The following ELOA variants were observed in gnomAD, a reference collection of about 807,000 sequenced individuals.
The protein encoded by ELOA is elongin A, also known as elongin-A.
In ELOA, 15 loss-of-function variants were observed where a neutral mutation model predicts 85.2. The observed-to-expected ratio is 0.18, with a 90% CI of 0.12 to 0.27. ELOA has a LOEUF of 0.27. Ranked by LOEUF, ELOA falls within the 10% of genes least tolerant of loss-of-function variation. The pLI is 1.00. For missense variants in ELOA, 769 were observed against 952.7 expected, an observed-to-expected ratio of 0.81 and a Z score of 2.54; for synonymous variants, 348 against 357.2, an observed-to-expected ratio of 0.97 and a Z score of 0.29.
In ELOA at chr1:23,754,116, GGAA is replaced by G. The variant is rs746688714; in HGVS notation, c.1565_1567del (p.Glu522del). 1.7e-5 allele frequency: 27 copies of G among 1,614,046 alleles called. No individual in the cohort carries two copies. Among genetic ancestry groups the G allele is most frequent in the African/African-American group, 1.3e-4 (10 of 74,926 alleles). ...GCCCTATAGCGTTCTCTTCACCCCAGGAAGAAGAAGAAGCTGGATTTACTGGGC... is the reference window on the plus strand; with the variant it reads ...GCCCTATAGCGTTCTCTTCACCCCAGGAAGAAGAAGCTGGATTTACTGGGC... On this transcript the variant is annotated inframe_deletion, in exon 6 of 11. Coordinates refer to ENST00000613537, the MANE Select transcript of ELOA (RefSeq NM_003198.3).
At position 23,761,996 on chromosome 1, in the gene ELOA, A is replaced by G. The variant is rs968247653; in HGVS notation, c.*2423A>G. The G allele has an allele frequency of 3.9e-5, 6 of 152,170 alleles. No individual in the cohort carries two copies. Among genetic ancestry groups the G allele is most frequent in the Non-Finnish European group, 7.4e-5 (5 of 68,026 alleles). 9.4% of individuals were successfully genotyped at this position (152,170 alleles called of 1,614,324 possible). A position where few individuals can be genotyped will look rare whatever the true frequency, so the allele number is the denominator to read the frequency against. On this transcript the variant is annotated 3_prime_UTR_variant, in exon 11 of 11. Coordinates refer to ENST00000613537, the MANE Select transcript of ELOA (RefSeq NM_003198.3). ...TTTTTTGTGGTAACTACCGAGATGA[A>G]TATTTTAATTAGATAAGTTATATGA...
intron 9 of ELOA, 51 bp from the exon 10 acceptor site, chr1:23,756,902 C>T (rs1644796631): frequency 1.4e-6 from 2 of 1,432,694 alleles, no homozygotes; most frequent in Non-Finnish European, 1.8e-6. Flanking sequence ...TGTTCATGCT[C>T]AGGGCAGATT....
chr1:23,757,251 T>C, intron 10 of ELOA, 126 bp downstream of exon 10: 1 of 1,036,042 alleles, frequency 9.7e-7, no homozygotes, highest in Non-Finnish European at 1.3e-6. Context: ...TGCACATAGC[T>C]GGTCTGAATG....
In ELOA at chr1:23,749,884, G is replaced by A. The variant is rs1346304198; in HGVS notation, c.175G>A (p.Glu59Lys). 3.7e-6 allele frequency: 6 copies of A among 1,613,820 alleles called. No individual in the cohort carries two copies. Among genetic ancestry groups the A allele is most frequent in the South Asian group, 1.1e-5 (1 of 91,066 alleles). ...GKTVNSLRKH[E>K]HVGSFARDLV... ...AACAGTAAATAGCTTGCGAAAACAC[G>A]AGCATGTTGGAAGCTTTGCCAGGGA... The change falls in exon 3 of 11, where the codon GAG (glutamate) becomes AAG (lysine). Residue 59 changes from glutamate to lysine, a missense_variant. By Grantham distance (56) the Glu-to-Lys change is moderately conservative. Transcript: ENST00000613537.
At chr1:23,746,212 C>T (rs1036693603) in intron 1 of ELOA, among the ~76,000 whole-genome samples, 2 of 150,226 alleles carry the variant, frequency 1.3e-5, no homozygotes, top group Non-Finnish European at 3.0e-5. Context: ...CACTCGAACC[C>T]GGGAGGCAGA....
At chr1:23,752,292 C>G (rs1002693086) in intron 4 of ELOA, 115 bp from the exon 5 acceptor site, 28 of 1,053,290 alleles carry the variant, frequency 2.7e-5, no homozygotes, top group Non-Finnish European at 3.6e-5. Context: ...GTGGCCCCCT[C>G]CAACCTGGAT....
intron 2 of ELOA, 127 bp from the exon 3 acceptor site, chr1:23,749,715 A>T: frequency 2.6e-6 from 2 of 757,856 alleles, no homozygotes; most frequent in South Asian, 4.0e-5. Flanking sequence ...TAGTGTTAAG[A>T]TTTGCAGGGT....
At chr1:23,743,733 C>T (rs546273028) in intron 1 of ELOA, among the ~76,000 whole-genome samples, 155 bp downstream of exon 1, 5 of 152,210 alleles carry the variant, frequency 3.3e-5, no homozygotes, top group Admixed American at 2.0e-4. Flanking sequence ...GACCGCTGCC[C>T]GCGCGTTGGG....
At chr1:23,752,641 G>A (rs1415499410) in intron 5 of ELOA, 123 bp downstream of exon 5, 3 of 1,053,190 alleles carry the variant, frequency 2.8e-6, no homozygotes, top group Admixed American at 4.5e-5. Context: ...AGGATTGCTT[G>A]CGGCCAAGGG....
intron 1 of ELOA, 73 bp from the exon 2 acceptor site, chr1:23,748,948 C>G (rs1194384382): frequency 4.8e-6 from 6 of 1,251,376 alleles, no homozygotes; most frequent in East Asian, 2.3e-5. Flanking sequence ...ATGGTTAGCA[C>G]TAAGCACTTA....
chr1:23,754,036 A>AG lies in ELOA; in HGVS notation c.1538-59dup, dbSNP rs1247656593. On this transcript the variant is annotated intron_variant, in intron 5 of 10. Transcript: ENST00000613537. ...TTGGGAAAGGGAAGTAGGAGGCTGAAGGGGGTAGAAGGAGAGTTTTCACTG... is the reference window on the plus strand; with the variant it reads ...TTGGGAAAGGGAAGTAGGAGGCTGAAGGGGGGTAGAAGGAGAGTTTTCACTG... 23 of 1,571,648 alleles carry AG rather than the reference A, an allele frequency of 1.5e-5. No homozygotes were observed. In the East Asian group the frequency reaches 4.9e-4, roughly 34 times the overall value.
chr1:23,750,542 A>G (rs1479197382), intron 3 of ELOA, among the ~76,000 whole-genome samples: 1 of 152,180 alleles, frequency 6.6e-6, no homozygotes, highest in Non-Finnish European at 1.5e-5. Context: ...CTAGATAAAT[A>G]GTGAGCAGCC....
intron 5 of ELOA, among the ~76,000 whole-genome samples, 178 bp downstream of exon 5, chr1:23,752,696 A>G (rs1329844782): frequency 6.6e-6 from 1 of 151,928 alleles, no homozygotes; most frequent in African/African-American, 2.4e-5. Context: ...TAATCCCAGC[A>G]CTTTGGGAGG....
At position 23,758,251 on chromosome 1, in the gene ELOA, ATTTATTTATTTTTTTTTT is replaced by A. The variant is rs1163288866; in HGVS notation, c.2257+1130_2257+1147del. 1.5e-3 allele frequency among the ~76,000 whole-genome samples: 73 copies of A among 48,556 alleles called. 3 individuals carry two copies. Among genetic ancestry groups the A allele is most frequent in the South Asian group, 0.011 (11 of 972 alleles). 31.9% of individuals were successfully genotyped at this position (48,556 alleles called of 152,430 possible). A position where few individuals can be genotyped will look rare whatever the true frequency, so the allele number is the denominator to read the frequency against. On this transcript the variant is annotated intron_variant, in intron 10 of 10. Coordinates refer to ENST00000613537, the MANE Select transcript of ELOA (RefSeq NM_003198.3). The stretch of plus-strand genomic sequence containing the variant: ...TATATCTAATTGGGTCTTCCAATTT[ATTTATTTATTTTTTTTTT>A]TTTTTTTTTTTTTTTTTTTTTGGAG...
chr1:23,761,022 C>T lies in ELOA; in HGVS notation c.*1449C>T, dbSNP rs1316563715. On this transcript the variant is annotated 3_prime_UTR_variant, in exon 11 of 11. Transcript: ENST00000613537. ...ACAGCCTGATAAGTTTTCTCAAAGC[C>T]CAGGATACAGAGCCAGTGTTTTCTG... 6.6e-6 allele frequency: 1 copy of T among 152,078 alleles called. No individual in the cohort carries two copies. Among genetic ancestry groups the T allele is most frequent in the Admixed American group, 6.6e-5 (1 of 15,262 alleles). 9.4% of individuals were successfully genotyped at this position (152,078 alleles called of 1,614,324 possible).
chr1:23,751,345 C>A lies in ELOA; in HGVS notation c.740C>A (p.Ser247Tyr), dbSNP rs1644769705. ...GTGAGTCAAAACAAGGAGCACAAAT[C>A]TTCCCACAAGGACAAACGCCCCGTG... ...GVVSQNKEHK[S>Y]SHKDKRPVDA... The change falls in exon 4 of 11, where the codon TCT (serine) becomes TAT (tyrosine). Residue 247 changes from serine (S) to tyrosine (Y), a missense_variant. This residue lies in a region of ELOA where 440 missense variants were observed against 474.0 expected (regional missense o/e 0.93). Transcript: ENST00000613537. 1 of 1,614,110 alleles carries A rather than the reference C, an allele frequency of 6.2e-7. No homozygotes were observed. Among genetic ancestry groups the A allele is most frequent in the South Asian group, 1.1e-5 (1 of 91,094 alleles).
intron 1 of ELOA, 124 bp downstream of exon 1, chr1:23,743,702 G>A (rs941810087): frequency 4.2e-6 from 5 of 1,179,908 alleles, no homozygotes; most frequent in Middle Eastern, 5.9e-4. Context: ...CGGGGCTGGG[G>A]TCGTGAAGTT....
intron 1 of ELOA, among the ~76,000 whole-genome samples, chr1:23,747,633 G>T (rs1379348746): frequency 6.6e-6 from 1 of 152,072 alleles, no homozygotes; most frequent in Non-Finnish European, 1.5e-5. Flanking sequence ...CCATAGCTTG[G>T]GTGGCAAGAA....
In ELOA at chr1:23,759,613, G is replaced by A. The variant is rs748255242; in HGVS notation, c.*40G>A. 2 of 1,605,758 alleles carry A rather than the reference G, an allele frequency of 1.2e-6. No homozygotes were observed. Among genetic ancestry groups the A allele is most frequent in the East Asian group, 2.2e-5 (1 of 44,838 alleles). ...TTGGAAATGGAATCTGGGGAGGCAG[G>A]AATACAAGGACAGTGGGGGTTGGGG... is the stretch of plus-strand genomic sequence containing the variant. On this transcript the variant is annotated 3_prime_UTR_variant, in exon 11 of 11. Transcript: ENST00000613537.
Sources: allele counts gnomAD v4.1 joint callset (sites outside exome capture counted in the v4.1 genomes callset), GRCh38; gene constraint gnomAD v4.1.1; regional missense constraint gnomAD v4.1.1; transcripts MANE v1.5; gene names NCBI Gene and HGNC (gene_info 2026-07-23, HGNC 2026-07-21).